SHANK2: variants seen among roughly 807,000 people sequenced by gnomAD.
SHANK2 encodes SH3 and multiple ankyrin repeat domains protein 2.
Under a neutral mutation model 133.7 loss-of-function variants are expected in SHANK2, and 43 were observed. That is an observed-to-expected ratio of 0.32 (90% confidence interval 0.25 to 0.41). SHANK2 has a LOEUF of 0.41. Ranked by LOEUF, SHANK2 falls within the 10% of genes least tolerant of loss-of-function variation. SHANK2 has a pLI of 1.00. For missense variants in SHANK2, 1,994 were observed against 2,235.8 expected, an observed-to-expected ratio of 0.89 and a Z score of 2.18; for synonymous variants, 1,017 against 952.8, an observed-to-expected ratio of 1.07 and a Z score of -1.24.
intron 11 of SHANK2, among the ~76,000 whole-genome samples, chr11:70,860,696 C>A (rs562548543): frequency 6.6e-6 from 1 of 152,092 alleles, no homozygotes; most frequent in African/African-American, 2.4e-5. Flanking sequence ...AAATGAAATG[C>A]GAGCATGCAT....
At chr11:71,192,820 T>C (rs945405354) in intron 2 of SHANK2, among the ~76,000 whole-genome samples, 1 of 152,202 alleles carries the variant, frequency 6.6e-6, no homozygotes, top group Admixed American at 6.5e-5. Flanking sequence ...ATAAAGGTGA[T>C]AGGAAAAGGT....
chr11:70,910,403 A>G (rs1418031302), intron 10 of SHANK2, among the ~76,000 whole-genome samples: 1 of 152,196 alleles, frequency 6.6e-6, no homozygotes, highest in Non-Finnish European at 1.5e-5. Context: ...GAGGGTGGGA[A>G]GAGGCTACCG....
intron 24 of SHANK2, among the ~76,000 whole-genome samples, chr11:70,488,092 T>C (rs557512071): frequency 4.6e-5 from 7 of 152,306 alleles, no homozygotes; most frequent in African/African-American, 9.6e-5. Context: ...CGTGTGTGTG[T>C]GCGCTTACGT....
In SHANK2 at chr11:71,147,174, C is replaced by G. The variant is rs1555106864; in HGVS notation, c.153G>C (p.Glu51Asp). The G allele has an allele frequency of 3.9e-6, 6 of 1,550,622 alleles. No homozygotes were observed. The Admixed American group carries it at 7.8e-5, about 20-fold the overall frequency. ...GGATCACCAGCGTGTTGCCCTGGCT[C>G]TCCTCCGTCCTGGCACCGCCCGGCT... Reference protein sequence around the residue: ...AEKPGGARTEESQGNTLVIRV... With the variant: ...AEKPGGARTEDSQGNTLVIRV... The change falls in exon 3 of 26, where the codon GAG (glutamate) becomes GAC (aspartate). Residue 51 changes from glutamate (E) to aspartate (D), a missense_variant. Glu to Asp is a conservative substitution (Grantham distance 45, BLOSUM62 2). Coordinates refer to ENST00000601538, the MANE Select transcript of SHANK2 (RefSeq NM_012309.5).
intron 2 of SHANK2, among the ~76,000 whole-genome samples, chr11:71,190,827 C>T (rs1953778435): frequency 6.6e-6 from 1 of 152,198 alleles, no homozygotes; most frequent in Non-Finnish European, 1.5e-5. Context: ...GCCTCACTTT[C>T]CCCATCTGGA....
intron 10 of SHANK2, among the ~76,000 whole-genome samples, chr11:70,949,012 C>T (rs1950795410): frequency 6.6e-6 from 1 of 152,136 alleles, no homozygotes; most frequent in East Asian, 1.9e-4. Flanking sequence ...GGGCCCCGGG[C>T]CCAGACTCAC....
rs148798748 is a variant in SHANK2, at chr11:70,623,341, C to A, written c.2061+36487G>T. Reference sequence around the variant, plus strand: ...CTCCGAGGTTGCCGACCTTCCCTGCCGGCCAGCACTGCACAGCTATTGCTT... The same window carrying A: ...CTCCGAGGTTGCCGACCTTCCCTGCAGGCCAGCACTGCACAGCTATTGCTT... On this transcript the variant is annotated intron_variant, in intron 17 of 25. Transcript: ENST00000601538. Among the ~76,000 whole-genome samples, 22 of 152,236 alleles carry A rather than the reference C, an allele frequency of 1.4e-4. No homozygotes were observed. The East Asian group carries it at 4.1e-3, about 28-fold the overall frequency.
At chr11:71,129,439 G>A (rs1435353779) in intron 3 of SHANK2, among the ~76,000 whole-genome samples, 3 of 152,204 alleles carry the variant, frequency 2.0e-5, no homozygotes, top group Non-Finnish European at 4.4e-5. Flanking sequence ...CAAAACCAAA[G>A]AGCAGGCGAG....
intron 9 of SHANK2, among the ~76,000 whole-genome samples, chr11:71,072,910 A>C (rs1951161450): frequency 6.6e-6 from 1 of 152,058 alleles, no homozygotes; most frequent in South Asian, 2.1e-4. Context: ...GGAGAGTTAC[A>C]TTTGATGGGG....
At chr11:70,573,598 T>C (rs1488342382) in intron 17 of SHANK2, among the ~76,000 whole-genome samples, 2 of 151,612 alleles carry the variant, frequency 1.3e-5, no homozygotes, top group African/African-American at 4.9e-5. Context: ...TAGGAGTTAC[T>C]GGGACCAAGA....
intron 11 of SHANK2, among the ~76,000 whole-genome samples, chr11:70,846,954 G>A (rs1949006114): frequency 6.6e-6 from 1 of 152,214 alleles, no homozygotes; most frequent in Non-Finnish European, 1.5e-5. Context: ...TCATAAAAGA[G>A]CCTGCTGCCA....
chr11:70,922,587 T>C (rs1020611523), intron 10 of SHANK2, among the ~76,000 whole-genome samples: 1 of 152,120 alleles, frequency 6.6e-6, no homozygotes, highest in African/African-American at 2.4e-5. Flanking sequence ...AGAAAATAAC[T>C]ACTGATCTAG....
chr11:70,898,783 C>T lies in SHANK2; in HGVS notation c.1108-2216G>A, dbSNP rs191398890. Among the ~76,000 whole-genome samples, 23 of 152,248 alleles carry T rather than the reference C, an allele frequency of 1.5e-4. No individual in the cohort carries two copies. In the South Asian group the frequency reaches 1.7e-3, roughly 11 times the overall value. On this transcript the variant is annotated intron_variant, in intron 10 of 25. Coordinates refer to ENST00000601538, the MANE Select transcript of SHANK2 (RefSeq NM_012309.5). ...TTGGAAGATTCTCAGTCTATCCATA[C>T]GGCAAAAAGTGAAAAAGCCTAACCA...
At chr11:70,950,159 A>G (rs1322764720) in intron 10 of SHANK2, 1 of 455,650 alleles carries the variant, frequency 2.2e-6, no homozygotes, top group Non-Finnish European at 4.4e-6. Flanking sequence ...CCCGGGTTCA[A>G]GTGATTCTCC....
chr11:70,800,789 A>G (rs1239202912), intron 13 of SHANK2, among the ~76,000 whole-genome samples: 1 of 152,202 alleles, frequency 6.6e-6, no homozygotes, highest in Non-Finnish European at 1.5e-5. Flanking sequence ...TGAGAGGGTC[A>G]TCTCAGAGCA....
At chr11:70,888,173 A>G (rs1186215821) in intron 11 of SHANK2, among the ~76,000 whole-genome samples, 2 of 152,076 alleles carry the variant, frequency 1.3e-5, no homozygotes, top group Non-Finnish European at 2.9e-5. Context: ...ACCCTGAGGA[A>G]GAAGGACTAC....
intron 2 of SHANK2, among the ~76,000 whole-genome samples, chr11:71,166,408 G>T (rs1293087782): frequency 6.6e-6 from 1 of 151,606 alleles, no homozygotes; most frequent in African/African-American, 2.4e-5. Context: ...TTCTCATACA[G>T]CAATGCAGCA....
At chr11:70,586,932 C>G (rs1163246379) in intron 17 of SHANK2, among the ~76,000 whole-genome samples, 1 of 152,192 alleles carries the variant, frequency 6.6e-6, no homozygotes, top group African/African-American at 2.4e-5. Context: ...TCCCCCACCT[C>G]ACTCCTCTCC....
rs2060172354 is a variant in SHANK2 at position 70,580,655 on chromosome 11, C to G, written c.2062-77724G>C. Among the ~76,000 whole-genome samples, 2 of 152,226 alleles carry G rather than the reference C, an allele frequency of 1.3e-5. 1 individual carries two copies. The highest frequency in any genetic ancestry group is 1.3e-4 in the Admixed American group (2 of 15,288). On this transcript the variant is annotated intron_variant, in intron 17 of 25. Coordinates refer to ENST00000601538, the MANE Select transcript of SHANK2 (RefSeq NM_012309.5). ...CAAGGACAGCGCCGTGGCACTGGCT[C>G]AGCGGTTACAGGAGCCACTTCCTCC...
Sources: allele counts gnomAD v4.1 joint callset (sites outside exome capture counted in the v4.1 genomes callset), GRCh38; gene constraint gnomAD v4.1.1; transcripts MANE v1.5; gene names NCBI Gene and HGNC (gene_info 2026-07-23, HGNC 2026-07-21).